MTREX: variants seen among roughly 807,000 people sequenced by gnomAD.
MTREX encodes the protein exosome RNA helicase MTR4.
MTREX carries 76 observed loss-of-function variants against 135.4 expected under a neutral mutation model. That is an observed-to-expected ratio of 0.56 (90% CI 0.47 to 0.68). The LOEUF (loss-of-function observed/expected upper bound fraction) is 0.68. Ranked by LOEUF, MTREX falls within the 30% of genes least tolerant of loss-of-function variation. The probability of loss-of-function intolerance (pLI) is 0.00; values close to 1 mark genes in which losing one functional copy is unlikely to be tolerated. For missense variants in MTREX, 920 were observed against 1,262.1 expected (o/e 0.73, Z 4.11); for synonymous variants, 404 against 401.6 (o/e 1.01, Z -0.07).
At chr5:55,323,800 C>T (rs371153190) in intron 2 of MTREX, among the ~76,000 whole-genome samples, 2 of 152,276 alleles carry the variant, frequency 1.3e-5, no homozygotes, top group East Asian at 3.9e-4. Flanking sequence ...GGTTTATAAC[C>T]AGCTTATGTT....
At chr5:55,382,622 G>GTTT (rs543817592) in intron 18 of MTREX, among the ~76,000 whole-genome samples, 1 of 150,456 alleles carries the variant, frequency 6.6e-6, no homozygotes, top group African/African-American at 2.4e-5. Context: ...ATCATTTATG[G>GTTT]TTTTTTTTTG....
intron 22 of MTREX, among the ~76,000 whole-genome samples, chr5:55,408,582 T>G (rs1377661010): frequency 6.6e-6 from 1 of 152,196 alleles, no homozygotes; most frequent in Non-Finnish European, 1.5e-5. Context: ...TTAAAGACTT[T>G]GCAAAAAATA....
At chr5:55,377,056 TTGG>T (rs1719435289) in intron 16 of MTREX, among the ~76,000 whole-genome samples, 1 of 145,780 alleles carries the variant, frequency 6.9e-6, no homozygotes, top group Admixed American at 6.8e-5. Context: ...AAGGCCGGGC[TTGG>T]TGGCTCATGT....
At chr5:55,407,242 A>G (rs1477707618) in intron 22 of MTREX, among the ~76,000 whole-genome samples, 1 of 152,202 alleles carries the variant, frequency 6.6e-6, no homozygotes, top group East Asian at 1.9e-4. Context: ...TGTGGTGAAC[A>G]GGACAACTCT....
At chr5:55,323,258 A>G (rs1749317432) in intron 2 of MTREX, among the ~76,000 whole-genome samples, 1 of 152,182 alleles carries the variant, frequency 6.6e-6, no homozygotes, top group African/African-American at 2.4e-5. Context: ...GTAACTTTTG[A>G]GTTTGTCCAA....
At chr5:55,341,836 A>C in intron 7 of MTREX, 65 bp downstream of exon 7, 1 of 814,962 alleles carries the variant, frequency 1.2e-6, no homozygotes, top group Non-Finnish European at 2.0e-6. Flanking sequence ...AATTTTGAGC[A>C]AGTTATTGTT....
At chr5:55,337,012 T>C (rs10074787) in intron 5 of MTREX, among the ~76,000 whole-genome samples, 20,693 of 152,216 alleles carry the variant, frequency 0.14, 1,724 homozygotes, top group East Asian at 0.26. Flanking sequence ...TGATAGAATT[T>C]ACTAGTGAAG....
chr5:55,379,930 G>T (rs908931956), intron 18 of MTREX, among the ~76,000 whole-genome samples: 1 of 151,978 alleles, frequency 6.6e-6, no homozygotes, highest in African/African-American at 2.4e-5. Flanking sequence ...TACATTTTTT[G>T]TTTATTTTTT....
rs143537186 is a variant in MTREX at position 55,401,040 on chromosome 5, C to CGT, written c.2481+631_2481+632dup. Among the ~76,000 whole-genome samples the CGT allele has an allele frequency of 1.1e-3, 168 of 151,762 alleles. 1 individual carries two copies. Among genetic ancestry groups the CGT allele is most frequent in the African/African-American group, 3.7e-3 (154 of 41,432 alleles). ...GTGTGTGTGCGTGCGTCCGTGCATG[C>CGT]GTGTGTGTGTGTGAGACAGAGTCCT... On this transcript the variant is annotated intron_variant, in intron 21 of 26. Transcript: ENST00000230640.
chr5:55,394,875 A>G (rs1750623954), intron 19 of MTREX, among the ~76,000 whole-genome samples: 1 of 151,998 alleles, frequency 6.6e-6, no homozygotes, highest in African/African-American at 2.4e-5. Flanking sequence ...TCTACTAAAA[A>G]TACAGAAATT....
chr5:55,325,998 T>C (rs1301295733), intron 3 of MTREX, among the ~76,000 whole-genome samples: 1 of 152,238 alleles, frequency 6.6e-6, no homozygotes, highest in Non-Finnish European at 1.5e-5. Flanking sequence ...AAGTCTCTTA[T>C]GTTTCTTTAG....
chr5:55,353,067 T>C, intron 13 of MTREX, 101 bp from the exon 14 acceptor site: 1 of 607,516 alleles, frequency 1.6e-6, no homozygotes, highest in Non-Finnish European at 2.7e-6. Context: ...AGGATCTCAT[T>C]AACTAATTTT....
chr5:55,382,435 A>T (rs1369633074), intron 18 of MTREX, among the ~76,000 whole-genome samples: 1 of 152,134 alleles, frequency 6.6e-6, no homozygotes, highest in Non-Finnish European at 1.5e-5. Context: ...GTTTACACTG[A>T]CTGAATTCCA....
chr5:55,330,822 A>G (rs1177785952), intron 5 of MTREX, among the ~76,000 whole-genome samples: 1 of 152,010 alleles, frequency 6.6e-6, no homozygotes, highest in Non-Finnish European at 1.5e-5. Context: ...TACTTACAGC[A>G]GGCCCCTTTA....
At chr5:55,394,998 A>G (rs1379973630) in intron 19 of MTREX, among the ~76,000 whole-genome samples, 1 of 151,590 alleles carries the variant, frequency 6.6e-6, no homozygotes, top group Non-Finnish European at 1.5e-5. Flanking sequence ...GCACCGCTGC[A>G]CTCCAGCCTG....
rs114498882 is a variant in MTREX at position 55,420,239 on chromosome 5, A to G, written c.2972-2639A>G. Among the ~76,000 whole-genome samples, 462 of 152,324 alleles carry G rather than the reference A, an allele frequency of 3.0e-3. 1 individual carries two copies. The highest frequency in any genetic ancestry group is 0.011 in the African/African-American group (447 of 41,568). ...TGGATAGGAGTATTAAATTCGGGTC[A>G]GAGCATGAACTGTAGGAAACTGCTT... On this transcript the variant is annotated intron_variant, in intron 25 of 26. Coordinates refer to ENST00000230640, the MANE Select transcript of MTREX (RefSeq NM_015360.5).
chr5:55,344,361 C>T (rs948770422), intron 8 of MTREX, among the ~76,000 whole-genome samples, 161 bp from the exon 9 acceptor site: 7 of 152,076 alleles, frequency 4.6e-5, no homozygotes, highest in Admixed American at 2.0e-4. Flanking sequence ...AATTTTTCTA[C>T]GTTTTTCTCT....
At chr5:55,324,097 T>G in intron 2 of MTREX, 35 bp from the exon 3 acceptor site, 1 of 1,487,200 alleles carries the variant, frequency 6.7e-7, no homozygotes, top group Non-Finnish European at 9.3e-7. Context: ...GAAAAGTAAT[T>G]TGTTTTTGTG....
chr5:55,342,454 A>C (rs1254765854), intron 7 of MTREX, among the ~76,000 whole-genome samples: 1 of 152,218 alleles, frequency 6.6e-6, no homozygotes, highest in East Asian at 1.9e-4. Flanking sequence ...ATATGTGTTT[A>C]TGGTAAAAAC....
Sources: gnomAD v4.1 joint callset for allele counts (sites outside exome capture counted in the v4.1 genomes callset) on GRCh38, gnomAD v4.1.1 for gene constraint, MANE v1.5 for transcripts, NCBI Gene and HGNC (gene_info 2026-07-23, HGNC 2026-07-21) for gene names.